Variants in COL6A6 observed in about 807,000 individuals in gnomAD.
COL6A6 encodes collagen type VI alpha 6 chain.
Under a neutral mutation model 208.6 loss-of-function variants are expected in COL6A6, and 183 were observed. That is an observed-to-expected ratio of 0.88 (90% CI 0.78 to 0.99). The LOEUF is 0.99. Among genes scored for constraint, COL6A6 ranks in the 50% least tolerant of loss-of-function variants. The pLI is 0.00. For missense variants in COL6A6, 2,816 were observed against 2,815.2 expected, an observed-to-expected ratio of 1.00 and a Z score of -0.01; for synonymous variants, 973 against 1,011.8, an observed-to-expected ratio of 0.96 and a Z score of 0.73.
At chr3:130,540,314 A>G (rs2062331667) in intron 1 of COL6A6, among the ~76,000 whole-genome samples, 1 of 152,190 alleles carries the variant, frequency 6.6e-6, no homozygotes, top group South Asian at 2.1e-4. Flanking sequence ...GATATCTGTC[A>G]CAATTGATGA....
intron 8 of COL6A6, among the ~76,000 whole-genome samples, chr3:130,578,814 A>G (rs1257518127): frequency 6.6e-6 from 1 of 152,168 alleles, no homozygotes; most frequent in Non-Finnish European, 1.5e-5. Context: ...TGGGTTGCAC[A>G]CGGGCACCAG....
intron 1 of COL6A6, among the ~76,000 whole-genome samples, chr3:130,554,634 G>A (rs2062726004): frequency 2.0e-5 from 3 of 152,170 alleles, no homozygotes; most frequent in Non-Finnish European, 1.5e-5. Flanking sequence ...TGGAGGTGTG[G>A]TGGAGGGATC....
chr3:130,581,234 T>G (rs932767521), intron 8 of COL6A6, among the ~76,000 whole-genome samples: 1 of 152,200 alleles, frequency 6.6e-6, no homozygotes, highest in Non-Finnish European at 1.5e-5. Context: ...TGTCTTATTT[T>G]AGACTAATGA....
In COL6A6 at chr3:130,573,936, G is replaced by T. The variant is rs1489116650; in HGVS notation, c.2978-20G>T. 1.3e-6 allele frequency: 2 copies of T among 1,521,530 alleles called. No homozygotes were observed. The highest frequency in any genetic ancestry group is 9.1e-7 in the Non-Finnish European group (1 of 1,101,202). The allele number at this position is 1,521,530 out of a possible 1,614,324, so 94.3% of individuals were successfully genotyped here. Reference sequence around the variant, plus strand: ...AGAATAACAATCTGGGTTTTCTGTTGTTCCTTCTCTTCTTTGTAGATTGTG... The same window carrying T: ...AGAATAACAATCTGGGTTTTCTGTTTTTCCTTCTCTTCTTTGTAGATTGTG... On this transcript the variant is annotated intron_variant, in intron 7 of 36. Coordinates refer to ENST00000358511, the MANE Select transcript of COL6A6 (RefSeq NM_001102608.3).
chr3:130,622,211 C>CTT (rs57173034), intron 24 of COL6A6, among the ~76,000 whole-genome samples: 1 of 135,628 alleles, frequency 7.4e-6, no homozygotes, highest in African/African-American at 2.8e-5. Context: ...CTACCCCCCC[C>CTT]TTTTTTTTTT....
At chr3:130,611,468 C>T (rs796100072) in intron 23 of COL6A6, among the ~76,000 whole-genome samples, 1 of 151,580 alleles carries the variant, frequency 6.6e-6, no homozygotes, top group African/African-American at 2.4e-5. Flanking sequence ...TTGCCTGTCT[C>T]TCCTCCTAGA....
intron 23 of COL6A6, among the ~76,000 whole-genome samples, chr3:130,613,920 G>T (rs573860655): frequency 2.5e-4 from 38 of 152,278 alleles, no homozygotes; most frequent in African/African-American, 8.9e-4. Flanking sequence ...TTTGGGCAGA[G>T]ACTACTGGGT....
intron 18 of COL6A6, among the ~76,000 whole-genome samples, chr3:130,597,633 A>C (rs2063888703): frequency 1.3e-5 from 2 of 152,248 alleles, no homozygotes; most frequent in African/African-American, 4.8e-5. Flanking sequence ...TCATGGAGAC[A>C]CAGCTCTGTT....
chr3:130,609,245 C>T (rs1308445903), intron 22 of COL6A6, among the ~76,000 whole-genome samples: 1 of 152,050 alleles, frequency 6.6e-6, no homozygotes, highest in Non-Finnish European at 1.5e-5. Context: ...AGAGCTTGAG[C>T]CAAGGAAAAT....
chr3:130,666,396 A>G (rs1453817350), intron 36 of COL6A6, among the ~76,000 whole-genome samples: 1 of 152,234 alleles, frequency 6.6e-6, no homozygotes, highest in African/African-American at 2.4e-5. Context: ...AGTAACATGT[A>G]TGATGGCTGC....
intron 11 of COL6A6, 77 bp from the exon 12 acceptor site, chr3:130,589,013 A>G: frequency 9.4e-7 from 1 of 1,064,214 alleles, no homozygotes; most frequent in African/African-American, 1.6e-5. Flanking sequence ...AGAAGTCTGG[A>G]TCGCATGGTT....
In COL6A6 at chr3:130,568,611, A is replaced by C; in HGVS notation, c.2401+7A>C. The C allele has an allele frequency of 6.3e-7, 1 of 1,589,056 alleles. No homozygotes were observed. The highest frequency in any genetic ancestry group is 8.5e-7 in the Non-Finnish European group (1 of 1,173,706). ...ATATGCAGCCCCCGTGAAGGTAGGC[A>C]TGGGCATACTCACTAGCAGGACTAT... On this transcript the variant is annotated splice_region_variant and intron_variant, in intron 6 of 36. Transcript: ENST00000358511.
intron 23 of COL6A6, among the ~76,000 whole-genome samples, chr3:130,615,294 C>T (rs1668095983): frequency 1.3e-5 from 2 of 151,934 alleles, no homozygotes; most frequent in Admixed American, 1.3e-4. Context: ...CAGTGTGGTC[C>T]AAGACTGTGG....
At chr3:130,628,455 A>G (rs958409606) in intron 26 of COL6A6, among the ~76,000 whole-genome samples, 2 of 152,240 alleles carry the variant, frequency 1.3e-5, no homozygotes, top group African/African-American at 2.4e-5. Context: ...AAAGGAAATA[A>G]CAAAATGTAT....
chr3:130,625,943 C>G lies in COL6A6; in HGVS notation c.4879-542C>G, dbSNP rs142584739. 5.3e-5 allele frequency among the ~76,000 whole-genome samples: 8 copies of G among 152,238 alleles called. No individual in the cohort carries two copies. In the East Asian group the frequency reaches 1.5e-3, roughly 29 times the overall value. ...AACTATTCCAAAATTAAAATTGTTA[C>G]CTTTTTTTAAAAAGGAGTTAACTTT... On this transcript the variant is annotated intron_variant, in intron 24 of 36. Coordinates refer to ENST00000358511, the MANE Select transcript of COL6A6 (RefSeq NM_001102608.3).
chr3:130,550,181 T>C (rs1358223966), intron 1 of COL6A6, among the ~76,000 whole-genome samples: 2 of 152,140 alleles, frequency 1.3e-5, no homozygotes, highest in Non-Finnish European at 2.9e-5. Flanking sequence ...TTTGCTGAAG[T>C]TGTTAATTAG....
chr3:130,654,316 T>A (rs2065729786), intron 33 of COL6A6, among the ~76,000 whole-genome samples: 1 of 152,114 alleles, frequency 6.6e-6, no homozygotes. Flanking sequence ...TCCCCCTGGA[T>A]CCTGATCATT....
At chr3:130,621,209 G>C (rs1182605460) in intron 23 of COL6A6, among the ~76,000 whole-genome samples, 1 of 152,016 alleles carries the variant, frequency 6.6e-6, no homozygotes, top group Non-Finnish European at 1.5e-5. Flanking sequence ...CATCTTTCTT[G>C]ATAAATTTAT....
In COL6A6 at chr3:130,568,610, C is replaced by A; in HGVS notation, c.2401+6C>A. The A allele has an allele frequency of 6.3e-7, 1 of 1,588,192 alleles. No homozygotes were observed. The highest frequency in any genetic ancestry group is 8.5e-7 in the Non-Finnish European group (1 of 1,173,210). On this transcript the variant is annotated splice_donor_region_variant and intron_variant, in intron 6 of 36. Coordinates refer to ENST00000358511, the MANE Select transcript of COL6A6 (RefSeq NM_001102608.3). ...AATATGCAGCCCCCGTGAAGGTAGG[C>A]ATGGGCATACTCACTAGCAGGACTA...
Sources: allele counts gnomAD v4.1 joint callset (sites outside exome capture counted in the v4.1 genomes callset), GRCh38; gene constraint gnomAD v4.1.1; transcripts MANE v1.5; gene names NCBI Gene and HGNC (gene_info 2026-07-23, HGNC 2026-07-21).